Variants in OPCML observed in about 807,000 individuals in gnomAD.
OPCML encodes opioid binding protein/cell adhesion molecule like.
A neutral mutation model predicts 37.8 loss-of-function variants in OPCML; 13 were observed. The observed-to-expected ratio is 0.34, with a 90% CI of 0.22 to 0.55. The LOEUF (loss-of-function observed/expected upper bound fraction) is 0.55. OPCML is among the 20% of genes least tolerant of loss of function. The pLI is 0.91. For synonymous variants in OPCML, 176 were observed against 168.8 expected (o/e 1.04, Z -0.33); for missense variants, 341 against 435.6 (o/e 0.78, Z 1.93).
At chr11:132,693,071 G>A (rs960532880) in intron 2 of OPCML, among the ~76,000 whole-genome samples, 3 of 152,198 alleles carry the variant, frequency 2.0e-5, no homozygotes, top group African/African-American at 7.2e-5. Flanking sequence ...CTCAGTTCCT[G>A]GCTCTTTGCC....
intron 1 of OPCML, among the ~76,000 whole-genome samples, chr11:133,076,980 G>C (rs1288587484): frequency 1.1e-4 from 16 of 152,136 alleles, no homozygotes. Flanking sequence ...CGGTGGGGCA[G>C]GAGGTAGCAC....
intron 2 of OPCML, among the ~76,000 whole-genome samples, chr11:132,863,921 T>TA (rs397736593): frequency 6.7e-6 from 1 of 148,890 alleles, no homozygotes; most frequent in Non-Finnish European, 1.5e-5. Context: ...TGATTTTTTT[T>TA]ATTCTATTTA....
chr11:132,429,034 G>GGGATGGAT (rs71477763), intron 7 of OPCML, among the ~76,000 whole-genome samples: 2,141 of 146,546 alleles, frequency 0.015, 38 homozygotes, highest in South Asian at 0.081. Context: ...AATGGATGGA[G>GGGATGGAT]GGATGGATGG....
intron 1 of OPCML, among the ~76,000 whole-genome samples, chr11:133,509,942 C>G: frequency 6.6e-6 from 1 of 152,196 alleles, no homozygotes; most frequent in East Asian, 1.9e-4. Flanking sequence ...ATCCACTCCC[C>G]TCACCAGGCA....
intron 1 of OPCML, among the ~76,000 whole-genome samples, chr11:133,093,228 C>T (rs1302369587): frequency 6.6e-6 from 1 of 151,794 alleles, no homozygotes; most frequent in African/African-American, 2.4e-5. Context: ...CCAACCCCCC[C>T]AACCTTTCCC....
intron 4 of OPCML, among the ~76,000 whole-genome samples, chr11:132,443,492 A>G (rs927962839): frequency 3.9e-5 from 6 of 152,228 alleles, no homozygotes; most frequent in Non-Finnish European, 8.8e-5. Flanking sequence ...TGAATTTGCA[A>G]AGTTGGAATC....
chr11:132,857,740 CAT>C lies in OPCML; in HGVS notation c.146+85184_146+85185del, dbSNP rs570923218. ...TTTTCATAAAAATTACTTATGCTAACATGTAATGAAATTTGTGTTGCTATTTT... is the reference window on the plus strand; with the variant it reads ...TTTTCATAAAAATTACTTATGCTAACGTAATGAAATTTGTGTTGCTATTTT... On this transcript the variant is annotated intron_variant, in intron 2 of 7. Transcript: ENST00000524381. Among the ~76,000 whole-genome samples the C allele has an allele frequency of 3.6e-3, 551 of 152,226 alleles. 4 individuals carry two copies. Among genetic ancestry groups the C allele is most frequent in the African/African-American group, 0.013 (525 of 41,534 alleles).
At chr11:132,714,147 A>G (rs1045054204) in intron 2 of OPCML, among the ~76,000 whole-genome samples, 1 of 152,224 alleles carries the variant, frequency 6.6e-6, no homozygotes, top group African/African-American at 2.4e-5. Flanking sequence ...CAAGACTGAA[A>G]GAATATCCAG....
chr11:133,208,749 A>G lies in OPCML; in HGVS notation c.62-265739T>C, dbSNP rs571440016. 5.3e-5 allele frequency among the ~76,000 whole-genome samples: 8 copies of G among 152,336 alleles called. No homozygotes were observed. In the South Asian group the frequency reaches 1.5e-3, roughly 28 times the overall value. ...CTGCTGTAAGACTGAAGCACACGTT[A>G]TCTAAAGCAATGGCCCTTCTCTAGG... On this transcript the variant is annotated intron_variant, in intron 1 of 7. Transcript: ENST00000524381. The surrounding 1 kb of genome is among the most constrained non-coding windows in gnomAD (Gnocchi z 8.9).
At chr11:132,813,198 C>T (rs1939445335) in intron 2 of OPCML, among the ~76,000 whole-genome samples, 1 of 151,930 alleles carries the variant, frequency 6.6e-6, no homozygotes, top group Non-Finnish European at 1.5e-5. Flanking sequence ...TATCCTGGTT[C>T]AGACTTTTTA....
chr11:132,726,864 C>T (rs1424355320), intron 2 of OPCML, among the ~76,000 whole-genome samples: 4 of 152,142 alleles, frequency 2.6e-5, no homozygotes, highest in Non-Finnish European at 4.4e-5. Context: ...GAAATACCTC[C>T]CATCCCTCCG....
chr11:133,170,363 G>A (rs1053469532), intron 1 of OPCML, among the ~76,000 whole-genome samples: 1 of 152,212 alleles, frequency 6.6e-6, no homozygotes, highest in Non-Finnish European at 1.5e-5. Context: ...GTGGGCGCCT[G>A]TAGTCCCAGC....
intron 2 of OPCML, among the ~76,000 whole-genome samples, chr11:132,857,982 A>T (rs1942130337): frequency 6.6e-6 from 1 of 152,164 alleles, no homozygotes; most frequent in Non-Finnish European, 1.5e-5. Context: ...CAATGAGGAC[A>T]GTGTGGCGTC....
chr11:132,476,971 C>G (rs895933541), intron 4 of OPCML, among the ~76,000 whole-genome samples: 18 of 152,146 alleles, frequency 1.2e-4, no homozygotes, highest in African/African-American at 4.1e-4. Context: ...TCCTTTTAAT[C>G]TGAGTATCCA....
chr11:133,203,157 T>C (rs1359031643), intron 1 of OPCML, among the ~76,000 whole-genome samples: 1 of 152,216 alleles, frequency 6.6e-6, no homozygotes, highest in Non-Finnish European at 1.5e-5. Flanking sequence ...GTAGAATTAC[T>C]ACTCAAAACT....
chr11:133,424,804 T>C (rs1330339773), intron 1 of OPCML, among the ~76,000 whole-genome samples: 1 of 152,210 alleles, frequency 6.6e-6, no homozygotes, highest in African/African-American at 2.4e-5. Context: ...TAATTAAACT[T>C]TGCAAAACAA....
intron 2 of OPCML, among the ~76,000 whole-genome samples, chr11:132,746,168 G>T (rs892921066): frequency 6.6e-6 from 1 of 151,734 alleles, no homozygotes; most frequent in Non-Finnish European, 1.5e-5. Context: ...CCAGGAAACA[G>T]ACAAGGAGAG....
At chr11:133,244,148 T>A (rs1481309505) in intron 1 of OPCML, among the ~76,000 whole-genome samples, 2 of 151,924 alleles carry the variant, frequency 1.3e-5, no homozygotes, top group African/African-American at 4.8e-5. Flanking sequence ...AGCATGGGGG[T>A]GAGGACACAG....
intron 1 of OPCML, among the ~76,000 whole-genome samples, chr11:133,096,660 T>C (rs964023341): frequency 1.3e-5 from 2 of 152,004 alleles, no homozygotes; most frequent in Non-Finnish European, 2.9e-5. Context: ...AAATATTATA[T>C]AGATAAAAAG....
Sources: gnomAD v4.1 joint callset for allele counts (sites outside exome capture counted in the v4.1 genomes callset) on GRCh38, gnomAD v4.1.1 for gene constraint, Gnocchi (gnomAD v3.1) non-coding constraint, MANE v1.5 for transcripts, NCBI Gene and HGNC (gene_info 2026-07-23, HGNC 2026-07-21) for gene names.